Variants in CAMK1D observed in about 807,000 individuals in gnomAD.
The protein encoded by CAMK1D is calcium/calmodulin-dependent protein kinase type 1D.
A neutral mutation model predicts 47.7 loss-of-function variants in CAMK1D; 9 were observed. That is an observed-to-expected ratio of 0.19 (90% CI 0.11 to 0.33). CAMK1D has a LOEUF of 0.33. CAMK1D is among the 10% of genes least tolerant of loss of function. CAMK1D has a pLI of 1.00. For synonymous variants in CAMK1D, 184 were observed against 184.9 expected (o/e 0.99, Z 0.04); for missense variants, 291 against 488.7 (o/e 0.60, Z 3.81).
At chr10:12,618,105 A>G (rs1046272215) in intron 2 of CAMK1D, among the ~76,000 whole-genome samples, 1 of 152,152 alleles carries the variant, frequency 6.6e-6, no homozygotes, top group African/African-American at 2.4e-5. Flanking sequence ...AATTAGATCC[A>G]GTGGTTCATG....
At chr10:12,627,807 G>A (rs1396642952) in intron 2 of CAMK1D, among the ~76,000 whole-genome samples, 1 of 152,196 alleles carries the variant, frequency 6.6e-6, no homozygotes, top group Non-Finnish European at 1.5e-5. Context: ...AAGGCCAGGT[G>A]CAGTGGCTCA....
At chr10:12,414,469 C>T (rs958114360) in intron 1 of CAMK1D, among the ~76,000 whole-genome samples, 4 of 152,194 alleles carry the variant, frequency 2.6e-5, no homozygotes, top group African/African-American at 7.2e-5. Flanking sequence ...GCTCGAGTTT[C>T]TGATCTGCCA....
intron 1 of CAMK1D, among the ~76,000 whole-genome samples, chr10:12,490,188 C>T (rs1172623328): frequency 6.6e-6 from 1 of 152,192 alleles, no homozygotes. Flanking sequence ...TGCTGTGAAG[C>T]CTTACTTGGG....
chr10:12,518,219 T>C (rs1835268031), intron 1 of CAMK1D, among the ~76,000 whole-genome samples: 1 of 152,216 alleles, frequency 6.6e-6, no homozygotes, highest in South Asian at 2.1e-4. Context: ...AATAAAGTTT[T>C]ATTGGAACAC....
chr10:12,535,332 T>C (rs1319495178), intron 1 of CAMK1D, among the ~76,000 whole-genome samples: 4 of 152,224 alleles, frequency 2.6e-5, no homozygotes, highest in Non-Finnish European at 5.9e-5. Flanking sequence ...GACTTGTTTT[T>C]ATTTGTTCAG....
chr10:12,472,683 A>G (rs1468108330), intron 1 of CAMK1D, among the ~76,000 whole-genome samples: 4 of 151,784 alleles, frequency 2.6e-5, no homozygotes, highest in Admixed American at 1.3e-4. Context: ...CACCCCGCCT[A>G]CCTAATTTCT....
chr10:12,447,933 A>T (rs1217661569), intron 1 of CAMK1D, among the ~76,000 whole-genome samples: 1 of 151,140 alleles, frequency 6.6e-6, no homozygotes, highest in African/African-American at 2.4e-5. Flanking sequence ...GCTCACTGAA[A>T]CCTCTGCCTT....
At chr10:12,409,509 C>A (rs950035031) in intron 1 of CAMK1D, among the ~76,000 whole-genome samples, 1 of 152,180 alleles carries the variant, frequency 6.6e-6, no homozygotes, top group African/African-American at 2.4e-5. Context: ...CTCTTGAACT[C>A]CTGGGCTCAA....
At chr10:12,746,827 A>T (rs905665138) in intron 3 of CAMK1D, among the ~76,000 whole-genome samples, 1 of 152,140 alleles carries the variant, frequency 6.6e-6, no homozygotes, top group Non-Finnish European at 1.5e-5. Flanking sequence ...GTTTAACTAA[A>T]AGGCGTCTGA....
At chr10:12,532,433 C>G (rs560130928) in intron 1 of CAMK1D, among the ~76,000 whole-genome samples, 1 of 152,102 alleles carries the variant, frequency 6.6e-6, no homozygotes, top group East Asian at 1.9e-4. Context: ...GCGCCCGCCA[C>G]TACGCCTGGC....
At chr10:12,386,884 T>A (rs1454393388) in intron 1 of CAMK1D, among the ~76,000 whole-genome samples, 2 of 152,104 alleles carry the variant, frequency 1.3e-5, no homozygotes, top group East Asian at 1.9e-4. Context: ...TAATAAAAAA[T>A]AATAATAATG....
intron 2 of CAMK1D, among the ~76,000 whole-genome samples, chr10:12,581,710 G>A (rs531368421): frequency 7.2e-5 from 11 of 152,172 alleles, no homozygotes; most frequent in Non-Finnish European, 4.4e-5. Context: ...GTCTATTCAT[G>A]TCCTTAGCCC....
chr10:12,709,602 AGGTACATAG>A (rs1833861044), intron 3 of CAMK1D, among the ~76,000 whole-genome samples: 1 of 152,238 alleles, frequency 6.6e-6, no homozygotes, highest in Admixed American at 6.5e-5. Flanking sequence ...TTAGTGCTCT[AGGTACATAG>A]AGGTGGAGAG....
chr10:12,685,137 C>T (rs1047371859), intron 3 of CAMK1D, among the ~76,000 whole-genome samples: 2 of 152,150 alleles, frequency 1.3e-5, no homozygotes, highest in Non-Finnish European at 2.9e-5. Context: ...CCCGTCTGTA[C>T]TAAAAATACG....
Position 12,652,449 on chromosome 10 carries a change from G to A in CAMK1D, c.225-14287G>A, listed in dbSNP as rs186012636. Among the ~76,000 whole-genome samples, 621 of 149,964 alleles carry A rather than the reference G, an allele frequency of 4.1e-3. 6 individuals are homozygous for A. Among genetic ancestry groups the A allele is most frequent in the African/African-American group, 0.014 (558 of 41,018 alleles). On this transcript the variant is annotated intron_variant, in intron 2 of 10. Coordinates refer to ENST00000619168, the MANE Select transcript of CAMK1D (RefSeq NM_153498.4). ...ACAAAAAAAAAAAAAAAAGCCGGGC[G>A]TGGTGGCGGGCGCCTGTAGTCCCAG...
At chr10:12,606,842 T>A (rs1262039148) in intron 2 of CAMK1D, among the ~76,000 whole-genome samples, 1 of 152,126 alleles carries the variant, frequency 6.6e-6, no homozygotes, top group Non-Finnish European at 1.5e-5. Flanking sequence ...TTTTTCTTTT[T>A]TTTGGAGATG....
intron 8 of CAMK1D, among the ~76,000 whole-genome samples, chr10:12,816,889 A>G (rs1035178578): frequency 2.0e-5 from 3 of 151,108 alleles, no homozygotes; most frequent in Non-Finnish European, 2.9e-5. Flanking sequence ...AAAAAAAAAA[A>G]AAAAAAAGAC....
chr10:12,811,337 G>A (rs1047073701), intron 6 of CAMK1D, among the ~76,000 whole-genome samples: 2 of 152,090 alleles, frequency 1.3e-5, no homozygotes, highest in African/African-American at 4.8e-5. Flanking sequence ...ACAGCCCAAG[G>A]TTGTTACTTC....
At chr10:12,504,225 TAC>T (rs111662084) in intron 1 of CAMK1D, among the ~76,000 whole-genome samples, 122 of 147,560 alleles carry the variant, frequency 8.3e-4, no homozygotes, top group African/African-American at 2.3e-3. Flanking sequence ...ATACACATTT[TAC>T]ACACACACAC....
Sources: allele counts gnomAD v4.1 joint callset (sites outside exome capture counted in the v4.1 genomes callset), GRCh38; gene constraint gnomAD v4.1.1; transcripts MANE v1.5; gene names NCBI Gene and HGNC (gene_info 2026-07-23, HGNC 2026-07-21).